TRA2B: variants seen among roughly 807,000 people sequenced by gnomAD.
The protein encoded by TRA2B is transformer-2 protein homolog beta.
Under a neutral mutation model 41.7 loss-of-function variants are expected in TRA2B, and 14 were observed. The ratio of observed to expected loss-of-function variants is 0.34; its 90% CI spans 0.22 to 0.53. The LOEUF (loss-of-function observed/expected upper bound fraction) is 0.53. Ranked by LOEUF, TRA2B falls within the 20% of genes least tolerant of loss-of-function variation. The pLI, the probability that TRA2B is intolerant of heterozygous loss-of-function variation, is 0.95. For missense variants in TRA2B, 167 were observed against 396.8 expected (o/e 0.42, Z 4.92); for synonymous variants, 130 against 128.8 (o/e 1.01, Z -0.06).
At position 185,915,034 on chromosome 3, in the gene TRA2B, A is replaced by G. The variant is rs1743454550; in HGVS notation, c.*2681T>C. Among the ~76,000 whole-genome samples, 1 of 152,154 alleles carries G rather than the reference A, an allele frequency of 6.6e-6. No homozygotes were observed. Among genetic ancestry groups the G allele is most frequent in the Admixed American group, 6.5e-5 (1 of 15,280 alleles). ...TTCTCTAACATGTAGTTAGATTTCC[A>G]TAAGGAAATGTGCAAGCTAGATCCC... On this transcript the variant is annotated 3_prime_UTR_variant, in exon 9 of 9. Transcript: ENST00000453386.
At chr3:185,926,903 A>G in intron 1 of TRA2B, 169 bp from the exon 2 acceptor site, 1 of 747,912 alleles carries the variant, frequency 1.3e-6, no homozygotes, top group East Asian at 3.0e-5. Flanking sequence ...CATTGCTCCA[A>G]ATGACATAAG....
At chr3:185,930,329 A>C (rs1477444887) in intron 1 of TRA2B, among the ~76,000 whole-genome samples, 2 of 152,138 alleles carry the variant, frequency 1.3e-5, no homozygotes, top group East Asian at 3.8e-4. Context: ...ACATAAAATA[A>C]CATTTATCAT....
chr3:185,936,690 A>T (rs1393789318), intron 1 of TRA2B: 47 of 979,312 alleles, frequency 4.8e-5, no homozygotes, highest in African/African-American at 2.6e-4. Context: ...TTTTTTTTTA[A>T]AAAAGCACAA....
At chr3:185,922,785 C>T (rs1180029415) in intron 4 of TRA2B, 1 of 152,182 alleles carries the variant, frequency 6.6e-6, no homozygotes, top group African/African-American at 2.4e-5. Flanking sequence ...TACCCCGTTT[C>T]AAACACATTA....
At chr3:185,920,194 ACT>A (rs1316119329) in intron 6 of TRA2B, among the ~76,000 whole-genome samples, 16 of 152,140 alleles carry the variant, frequency 1.1e-4, no homozygotes, top group Admixed American at 1.0e-3. Flanking sequence ...TATTCTCTGG[ACT>A]CTTTCAAGGC....
At chr3:185,926,568 G>A in intron 2 of TRA2B, 33 bp downstream of exon 2, 4 of 1,612,132 alleles carry the variant, frequency 2.5e-6, no homozygotes, top group African/African-American at 1.3e-5. Flanking sequence ...AGAGCTAAGA[G>A]TAACGAGGAA....
chr3:185,934,653 G>C (rs933110988), intron 1 of TRA2B: 3 of 985,178 alleles, frequency 3.0e-6, no homozygotes, highest in Non-Finnish European at 3.6e-6. Flanking sequence ...CAATTCTTTA[G>C]AAAGAAGTAG....
At position 185,936,207 on chromosome 3, in the gene TRA2B, T is replaced by C. The variant is rs1049954012; in HGVS notation, c.36+1618A>G. Reference sequence around the variant, plus strand: ...GGTACCCAATAATTGAATTTTTCTGTTTAATAACAAAAGACTTTAAAATCG... The same window carrying C: ...GGTACCCAATAATTGAATTTTTCTGCTTAATAACAAAAGACTTTAAAATCG... On this transcript the variant is annotated intron_variant, in intron 1 of 8. Transcript: ENST00000453386. 6.1e-6 allele frequency: 6 copies of C among 985,298 alleles called. No individual in the cohort carries two copies. In the African/African-American group the frequency reaches 1.0e-4, roughly 17 times the overall value. The allele number at this position is 985,298 out of a possible 1,614,324, so 61.0% of individuals were successfully genotyped here.
At chr3:185,918,585 A>G in intron 7 of TRA2B, 147 bp from the exon 8 acceptor site, 1 of 497,870 alleles carries the variant, frequency 2.0e-6, no homozygotes, top group South Asian at 3.9e-5. Flanking sequence ...AAATCTTGAG[A>G]ATGAAGCACA....
At chr3:185,936,128 C>G in intron 1 of TRA2B, 7 of 985,346 alleles carry the variant, frequency 7.1e-6, no homozygotes, top group Non-Finnish European at 8.4e-6. Context: ...CACGTGTATT[C>G]AATCGAGAGC....
At chr3:185,934,661 T>C (rs986504555) in intron 1 of TRA2B, 3 of 985,210 alleles carry the variant, frequency 3.0e-6, no homozygotes, top group African/African-American at 1.7e-5. Flanking sequence ...TAGAAAGAAG[T>C]AGATTCAGAG....
At chr3:185,933,682 A>G (rs1296308388) in intron 1 of TRA2B, among the ~76,000 whole-genome samples, 4 of 152,154 alleles carry the variant, frequency 2.6e-5, no homozygotes, top group African/African-American at 9.7e-5. Flanking sequence ...ACTGTCTACC[A>G]GAAGAGTAAA....
Position 185,931,079 on chromosome 3 carries a change from A to AT in TRA2B, c.37-4346dup, listed in dbSNP as rs1304698050. ...CCATATGGAAAAAACTAACACACTA[A>AT]TGCCAAAGGGAACTATTTTGTTCAA... is the stretch of plus-strand genomic sequence containing the variant. On this transcript the variant is annotated intron_variant, in intron 1 of 8. Coordinates refer to ENST00000453386, the MANE Select transcript of TRA2B (RefSeq NM_004593.3). 1.2e-4 allele frequency among the ~76,000 whole-genome samples: 18 copies of AT among 152,314 alleles called. 1 individual carries two copies. The highest frequency in any genetic ancestry group is 3.6e-4 in the African/African-American group (15 of 41,568).
At chr3:185,935,911 A>AT in intron 1 of TRA2B, 1 of 985,438 alleles carries the variant, frequency 1.0e-6, no homozygotes, top group Non-Finnish European at 1.2e-6. Context: ...AAAAAACTCA[A>AT]TTTTTAACAC....
Position 185,925,683 on chromosome 3 carries a change from T to A in TRA2B, c.171-57A>T, listed in dbSNP as rs962353030. 4.6e-6 allele frequency: 7 copies of A among 1,532,624 alleles called. No homozygotes were observed. The Admixed American group carries it at 1.2e-4, about 27-fold the overall frequency. 94.9% of individuals were successfully genotyped at this position (1,532,624 alleles called of 1,614,324 possible). On this transcript the variant is annotated intron_variant, in intron 2 of 8. Transcript: ENST00000453386. ...TGAAAACAAATATTGTCTTCTTTAT[T>A]ACTCTGTTCTAAAGTTAAACTCCAA...
chr3:185,923,874 A>G lies in TRA2B; in HGVS notation c.444T>C (p.Ser148=), dbSNP rs1228385885. Reference sequence around the variant, plus strand: ...GCCTAGACTGCTGGTCATATACAATAGACACATCGGCAATGGGACCATATT... The same window carrying G: ...GCCTAGACTGCTGGTCATATACAATGGACACATCGGCAATGGGACCATATT... The part of the protein sequence containing the change: ...FSKYGPIADV[S]IVYDQQSRRS... The change falls in exon 4 of 9, where the codon TCT becomes TCC. Residue 148 remains serine (S), a synonymous_variant. Coordinates refer to ENST00000453386, the MANE Select transcript of TRA2B (RefSeq NM_004593.3). The G allele has an allele frequency of 6.2e-7, 1 of 1,614,070 alleles. No individual in the cohort carries two copies. Among genetic ancestry groups the G allele is most frequent in the African/African-American group, 1.3e-5 (1 of 74,928 alleles).
chr3:185,937,749 C>A (rs1744426116), intron 1 of TRA2B, 76 bp downstream of exon 1: 2 of 1,602,866 alleles, frequency 1.2e-6, no homozygotes, highest in Non-Finnish European at 8.5e-7. Flanking sequence ...TGCCTCCTGG[C>A]CCGAGGCCGA....
In TRA2B at chr3:185,918,182, A is replaced by G. The variant is rs546286511; in HGVS notation, c.856+183T>C. Among the ~76,000 whole-genome samples the G allele has an allele frequency of 1.1e-4, 16 of 152,340 alleles. No homozygotes were observed. The East Asian group carries it at 3.1e-3, about 29-fold the overall frequency. On this transcript the variant is annotated intron_variant, in intron 8 of 8. Coordinates refer to ENST00000453386, the MANE Select transcript of TRA2B (RefSeq NM_004593.3). Reference sequence around the variant, plus strand: ...GGCTGTCCAATTTTTCCTTCTTAAAAAATAATAGGATTCTAAGGGTTGTTT... The same window carrying G: ...GGCTGTCCAATTTTTCCTTCTTAAAGAATAATAGGATTCTAAGGGTTGTTT...
chr3:185,928,132 GAT>G (rs1376405756), intron 1 of TRA2B: 1 of 152,188 alleles, frequency 6.6e-6, no homozygotes, highest in East Asian at 1.9e-4. Flanking sequence ...CACTTTAGAA[GAT>G]AGTTTTGTGG....
Sources: allele counts gnomAD v4.1 joint callset (sites outside exome capture counted in the v4.1 genomes callset), GRCh38; gene constraint gnomAD v4.1.1; transcripts MANE v1.5; gene names NCBI Gene and HGNC (gene_info 2026-07-23, HGNC 2026-07-21).